LEKR1: variants seen among roughly 807,000 people sequenced by gnomAD.
LEKR1 encodes the protein leucine, glutamate and lysine rich 1.
Under a neutral mutation model 72.4 loss-of-function variants are expected in LEKR1, and 59 were observed. That is an observed-to-expected ratio of 0.82 (90% CI 0.66 to 1.01). The LOEUF is 1.01. Among genes scored for constraint, LEKR1 ranks in the 50% least tolerant of loss-of-function variants. LEKR1 has a pLI of 0.00. For synonymous variants in LEKR1, 257 were observed against 263.2 expected (o/e 0.98, Z 0.23); for missense variants, 728 against 759.2 (o/e 0.96, Z 0.48).
intron 3 of LEKR1, among the ~76,000 whole-genome samples, chr3:156,858,631 T>C (rs1478467278): frequency 1.3e-5 from 2 of 150,178 alleles, no homozygotes; most frequent in Non-Finnish European, 2.9e-5. Context: ...CCGAGAATCA[T>C]GCCACTACAT....
intron 9 of LEKR1, among the ~76,000 whole-genome samples, chr3:157,008,036 G>T (rs540751178): frequency 1.3e-5 from 2 of 152,280 alleles, no homozygotes; most frequent in African/African-American, 4.8e-5. Flanking sequence ...TAAAATTTTT[G>T]ATGTAATCTC....
intron 12 of LEKR1, among the ~76,000 whole-genome samples, chr3:157,040,359 G>A (rs1456779749): frequency 6.6e-6 from 1 of 152,152 alleles, no homozygotes; most frequent in East Asian, 1.9e-4. Flanking sequence ...TACAACTTTT[G>A]TTTGGGTATG....
At chr3:156,936,397 G>A (rs1375335889) in intron 5 of LEKR1, among the ~76,000 whole-genome samples, 1 of 148,038 alleles carries the variant, frequency 6.8e-6, no homozygotes, top group Non-Finnish European at 1.5e-5. Context: ...AAAAAACTGG[G>A]GCTTCAGTGT....
intron 11 of LEKR1, among the ~76,000 whole-genome samples, chr3:157,026,248 C>T (rs1341487712): frequency 3.3e-5 from 5 of 152,056 alleles, no homozygotes; most frequent in Non-Finnish European, 7.4e-5. Flanking sequence ...CTTTCTTCTT[C>T]CTCTCACTCT....
At chr3:156,899,087 C>T (rs1171825844) in intron 3 of LEKR1, among the ~76,000 whole-genome samples, 20 of 151,794 alleles carry the variant, frequency 1.3e-4, no homozygotes, top group Admixed American at 1.3e-3. Flanking sequence ...GGGTAGACAT[C>T]AGCTAATTTA....
At position 157,024,937 on chromosome 3, in the gene LEKR1, G is replaced by T. The variant is rs748898080; in HGVS notation, c.1368+13G>T. 19 of 1,530,744 alleles carry T rather than the reference G, an allele frequency of 1.2e-5. No homozygotes were observed. In the East Asian group the frequency reaches 4.1e-4, roughly 33 times the overall value. The allele number at this position is 1,530,744 out of a possible 1,614,324, so 94.8% of individuals were successfully genotyped here. On this transcript the variant is annotated intron_variant, in intron 11 of 12. Transcript: ENST00000356539. ...ACTACAAATGAAGGTCTGTAATTAT[G>T]ATGTTCATCATTATTTAATAGATTT...
At chr3:156,928,972 G>T (rs147813536) in intron 5 of LEKR1, among the ~76,000 whole-genome samples, 2 of 152,106 alleles carry the variant, frequency 1.3e-5, no homozygotes, top group African/African-American at 4.8e-5. Context: ...CAAAAGAATA[G>T]AGACCAGTTG....
chr3:156,960,253 C>G (rs954379400), intron 6 of LEKR1, among the ~76,000 whole-genome samples: 1 of 152,076 alleles, frequency 6.6e-6, no homozygotes, highest in South Asian at 2.1e-4. Flanking sequence ...AAAGTTTCAG[C>G]TTTGATTCAA....
intron 3 of LEKR1, among the ~76,000 whole-genome samples, chr3:156,855,336 C>G (rs1464126756): frequency 6.6e-6 from 1 of 152,016 alleles, no homozygotes; most frequent in Non-Finnish European, 1.5e-5. Context: ...TTTTCAATCT[C>G]TTGAGTGAAA....
intron 3 of LEKR1, among the ~76,000 whole-genome samples, chr3:156,881,522 C>A (rs1456270802): frequency 3.3e-5 from 5 of 151,438 alleles, no homozygotes. Flanking sequence ...AATGGAAGAA[C>A]ATTCCATGCT....
chr3:156,877,683 T>C (rs1263153702), intron 3 of LEKR1, among the ~76,000 whole-genome samples: 2 of 152,142 alleles, frequency 1.3e-5, no homozygotes, highest in South Asian at 2.1e-4. Context: ...TCATTTCCAA[T>C]TGGGCTTATT....
chr3:156,905,807 A>G (rs1301815614), intron 3 of LEKR1, among the ~76,000 whole-genome samples: 1 of 152,190 alleles, frequency 6.6e-6, no homozygotes, highest in Non-Finnish European at 1.5e-5. Flanking sequence ...ACTTCTCATA[A>G]TTGGCAGTCG....
chr3:156,985,239 A>T (rs772152602), intron 7 of LEKR1, among the ~76,000 whole-genome samples: 1 of 152,218 alleles, frequency 6.6e-6, no homozygotes, highest in African/African-American at 2.4e-5. Context: ...TAAAATAGGC[A>T]TAATAGAATG....
chr3:156,843,044 A>T (rs1714140035), intron 2 of LEKR1, among the ~76,000 whole-genome samples: 1 of 152,152 alleles, frequency 6.6e-6, no homozygotes, highest in South Asian at 2.1e-4. Context: ...GCTGACTCCT[A>T]CCTGTCCCTG....
chr3:157,023,784 A>C (rs1435074151), intron 10 of LEKR1, among the ~76,000 whole-genome samples: 1 of 152,196 alleles, frequency 6.6e-6, no homozygotes, highest in Non-Finnish European at 1.5e-5. Context: ...ATTCATGGAA[A>C]CATGAGAGAT....
intron 12 of LEKR1, 32 bp from the exon 13 acceptor site, chr3:157,045,306 TAA>T: frequency 6.4e-7 from 1 of 1,561,582 alleles, no homozygotes; most frequent in Non-Finnish European, 8.7e-7. Flanking sequence ...TGTTTAAAGC[TAA>T]GTCTGCTTTC....
chr3:156,914,662 G>A (rs999134894), intron 3 of LEKR1, among the ~76,000 whole-genome samples: 11 of 152,160 alleles, frequency 7.2e-5, no homozygotes, highest in Admixed American at 7.2e-4. Flanking sequence ...AGGTCCATAT[G>A]TCATATTTAG....
At chr3:156,967,893 C>G (rs1415614459) in intron 6 of LEKR1, among the ~76,000 whole-genome samples, 1 of 152,170 alleles carries the variant, frequency 6.6e-6, no homozygotes, top group African/African-American at 2.4e-5. Context: ...GGGTTACCCA[C>G]AAAGGGAAGC....
chr3:157,014,855 A>C (rs1733182485), intron 10 of LEKR1, among the ~76,000 whole-genome samples: 1 of 152,182 alleles, frequency 6.6e-6, no homozygotes, highest in Non-Finnish European at 1.5e-5. Flanking sequence ...TACAGAAGTT[A>C]GGTAATTTGC....
Sources: gnomAD v4.1 joint callset for allele counts (sites outside exome capture counted in the v4.1 genomes callset) on GRCh38, gnomAD v4.1.1 for gene constraint, MANE v1.5 for transcripts, NCBI Gene and HGNC (gene_info 2026-07-23, HGNC 2026-07-21) for gene names.